Variants in TEKT1 observed in about 807,000 individuals in gnomAD.
TEKT1 encodes tektin 1.
In TEKT1, 32 loss-of-function variants were observed where a neutral mutation model predicts 34.8. The observed-to-expected ratio is 0.92, with a 90% CI of 0.69 to 1.23. TEKT1 has a LOEUF of 1.23. TEKT1 is among the 50% of genes most tolerant of loss of function. TEKT1 has a pLI of 0.00. For synonymous variants in TEKT1, 207 were observed against 199.8 expected (o/e 1.04, Z -0.30); for missense variants, 492 against 518.5 (o/e 0.95, Z 0.50).
At chr17:6,827,257 A>ACT (rs528734641) in intron 2 of TEKT1, among the ~76,000 whole-genome samples, 4 of 124,276 alleles carry the variant, frequency 3.2e-5, no homozygotes, top group East Asian at 2.3e-4. Flanking sequence ...AGTTGTGCCA[A>ACT]TTTTTTTTTT....
At chr17:6,825,773 G>A (rs534798293) in intron 2 of TEKT1, among the ~76,000 whole-genome samples, 2 of 152,186 alleles carry the variant, frequency 1.3e-5, no homozygotes, top group Admixed American at 1.3e-4. Context: ...AAGTTTGTAA[G>A]ATTCATCAGT....
At chr17:6,802,893 A>G (rs1976795160) in intron 6 of TEKT1, among the ~76,000 whole-genome samples, 1 of 152,134 alleles carries the variant, frequency 6.6e-6, no homozygotes, top group Non-Finnish European at 1.5e-5. Flanking sequence ...AGTCTTTGCT[A>G]TTGTGAATAG....
At chr17:6,808,319 C>G (rs947586837) in intron 6 of TEKT1, among the ~76,000 whole-genome samples, 1 of 152,168 alleles carries the variant, frequency 6.6e-6, no homozygotes, top group Non-Finnish European at 1.5e-5. Flanking sequence ...GTTGGGAAAG[C>G]GCAGTATTAG....
At chr17:6,808,849 C>A (rs181663344) in intron 6 of TEKT1, among the ~76,000 whole-genome samples, 24 of 152,218 alleles carry the variant, frequency 1.6e-4, no homozygotes, top group African/African-American at 5.3e-4. Flanking sequence ...CCTTAACCAT[C>A]CAAAATACAT....
chr17:6,801,073 G>A (rs1976765056), intron 6 of TEKT1, 130 bp from the exon 7 acceptor site: 2 of 862,546 alleles, frequency 2.3e-6, no homozygotes, highest in Non-Finnish European at 3.5e-6. Context: ...CAGCATGCCA[G>A]AGTCTGATCT....
chr17:6,800,176 G>A lies in TEKT1; in HGVS notation c.1108C>T (p.Leu370Phe). The A allele has an allele frequency of 6.2e-7, 1 of 1,614,184 alleles. No individual in the cohort carries two copies. ...AELKGLHRRQ[L>F]ALQEEIQVKE... ...ACCTGGATCTCCTCCTGCAGGGCAAGCTGTCTGCGATGCAGCCCTTTCAGC... is the reference window on the plus strand; with the variant it reads ...ACCTGGATCTCCTCCTGCAGGGCAAACTGTCTGCGATGCAGCCCTTTCAGC... The change falls in exon 8 of 8, where the codon CTT becomes TTT. Residue 370 changes from leucine to phenylalanine, a missense_variant. By Grantham distance (22) the Leu-to-Phe change is conservative (BLOSUM62 0). Coordinates refer to ENST00000338694, the MANE Select transcript of TEKT1 (RefSeq NM_053285.2).
chr17:6,805,689 A>C (rs1976834192), intron 6 of TEKT1, among the ~76,000 whole-genome samples: 1 of 152,218 alleles, frequency 6.6e-6, no homozygotes, highest in East Asian at 1.9e-4. Flanking sequence ...TTGGTTTCAA[A>C]GAACATCTTT....
Position 6,813,040 on chromosome 17 carries a change from C to T in TEKT1, c.643G>A (p.Glu215Lys), listed in dbSNP as rs1422788372. ...VRIEPNSVSL[E>K]DWLDFSSTNV... ...GTGCTGGAGAAGTCCAACCAGTCTT[C>T]CAGACTCACGGAGCTGAAACAGACC... The change falls in exon 6 of 8, where the codon GAA becomes AAA. Residue 215 changes from glutamate to lysine, a missense_variant. Physicochemically the swap from Glu to Lys is moderately conservative, Grantham distance 56 (BLOSUM62 1). Transcript: ENST00000338694. 1.2e-6 allele frequency: 2 copies of T among 1,613,712 alleles called. No homozygotes were observed. Among genetic ancestry groups the T allele is most frequent in the Non-Finnish European group, 1.7e-6 (2 of 1,179,804 alleles).
intron 4 of TEKT1, among the ~76,000 whole-genome samples, chr17:6,815,576 C>A (rs979083670): frequency 2.6e-5 from 4 of 152,194 alleles, no homozygotes; most frequent in African/African-American, 9.7e-5. Context: ...GGGTCAGCCT[C>A]ACCAGTGGGT....
At chr17:6,810,135 C>A (rs1051533095) in intron 6 of TEKT1, among the ~76,000 whole-genome samples, 4 of 152,214 alleles carry the variant, frequency 2.6e-5, no homozygotes, top group African/African-American at 7.2e-5. Context: ...TGCTCCACAT[C>A]CTCACCAGCA....
chr17:6,825,078 T>C (rs899859076), intron 2 of TEKT1, among the ~76,000 whole-genome samples: 10 of 151,638 alleles, frequency 6.6e-5, no homozygotes, highest in Non-Finnish European at 1.5e-4. Flanking sequence ...AGAACACCAA[T>C]AGGAAATGAA....
chr17:6,815,712 A>G (rs2151587205), intron 4 of TEKT1, 122 bp downstream of exon 4: 7 of 1,440,896 alleles, frequency 4.9e-6, no homozygotes, highest in Middle Eastern at 2.0e-4. Flanking sequence ...ATCTGGGGAC[A>G]CAAAGTGGGA....
intron 6 of TEKT1, among the ~76,000 whole-genome samples, chr17:6,805,371 C>A (rs1028645625): frequency 6.6e-6 from 1 of 152,070 alleles, no homozygotes; most frequent in African/African-American, 2.4e-5. Context: ...CTTTATTCAT[C>A]TTGCTAGCGG....
rs1976926952 is a variant in TEKT1 at position 6,811,482 on chromosome 17, C to A, written c.852+1349G>T. ...TCAGGGTCTCCCTAAGGTCACACAGCAAGTGTTGAAGCCACAGTTCAAACC... is the reference window on the plus strand; with the variant it reads ...TCAGGGTCTCCCTAAGGTCACACAGAAAGTGTTGAAGCCACAGTTCAAACC... On this transcript the variant is annotated intron_variant, in intron 6 of 7. Transcript: ENST00000338694. This position sits in a 1 kb window ranked among gnomAD's most constrained non-coding sequence, Gnocchi z 4.4. Among the ~76,000 whole-genome samples, 1 of 152,078 alleles carries A rather than the reference C, an allele frequency of 6.6e-6. No individual in the cohort carries two copies. The highest frequency in any genetic ancestry group is 2.4e-5 in the African/African-American group (1 of 41,400).
chr17:6,826,575 G>A (rs1338901193), intron 2 of TEKT1, among the ~76,000 whole-genome samples: 1 of 151,684 alleles, frequency 6.6e-6, no homozygotes, highest in Non-Finnish European at 1.5e-5. Flanking sequence ...AAGTGTCATT[G>A]TTTCACCTTT....
chr17:6,803,858 T>C (rs1433065358), intron 6 of TEKT1, among the ~76,000 whole-genome samples: 3 of 152,214 alleles, frequency 2.0e-5, no homozygotes, highest in Non-Finnish European at 4.4e-5. Context: ...TTTTGGTTAC[T>C]GGAGCCTTGT....
Position 6,799,317 on chromosome 17 carries a change from G to C in TEKT1, c.*710C>G, listed in dbSNP as rs564203348. The C allele has an allele frequency of 2.0e-5, 3 of 152,334 alleles. No homozygotes were observed. Among genetic ancestry groups the C allele is most frequent in the Non-Finnish European group, 4.4e-5 (3 of 68,024 alleles). 9.4% of individuals were successfully genotyped at this position (152,334 alleles called of 1,614,324 possible). On this transcript the variant is annotated 3_prime_UTR_variant, in exon 8 of 8. Coordinates refer to ENST00000338694, the MANE Select transcript of TEKT1 (RefSeq NM_053285.2). ...AGCAGTGAAGGAAAAAAATAATCCT[G>C]AAATTGAGTTTATGCCATGAGTACA... is the stretch of plus-strand genomic sequence containing the variant.
At position 6,799,671 on chromosome 17, in the gene TEKT1, T is replaced by G. The variant is rs1976739253; in HGVS notation, c.*356A>C. The stretch of plus-strand genomic sequence containing the variant: ...GAAATTTTGAGAGCCAAGAGAAAGG[T>G]TAGCATCCCATCTCATGAGCAAGAG... On this transcript the variant is annotated 3_prime_UTR_variant, in exon 8 of 8. Coordinates refer to ENST00000338694, the MANE Select transcript of TEKT1 (RefSeq NM_053285.2). The G allele has an allele frequency of 5.6e-6, 1 of 177,974 alleles. No homozygotes were observed. The highest frequency in any genetic ancestry group is 2.4e-5 in the African/African-American group (1 of 42,552). The allele number at this position is 177,974 out of a possible 1,614,324, so 11.0% of individuals were successfully genotyped here.
chr17:6,800,966 G>A (rs1976763571), intron 6 of TEKT1, 23 bp from the exon 7 acceptor site: 1 of 1,598,246 alleles, frequency 6.3e-7, no homozygotes, highest in Non-Finnish European at 8.5e-7. Context: ...ATTAGAGTAG[G>A]TGAGGCCAAG....
Sources: gnomAD v4.1 joint callset for allele counts (sites outside exome capture counted in the v4.1 genomes callset) on GRCh38, gnomAD v4.1.1 for gene constraint, Gnocchi (gnomAD v3.1) non-coding constraint, MANE v1.5 for transcripts, NCBI Gene and HGNC (gene_info 2026-07-23, HGNC 2026-07-21) for gene names.